The following SLC7A7 variants were observed in gnomAD, a reference collection of about 807,000 sequenced individuals.
SLC7A7 encodes the protein Y+L amino acid transporter 1.
Under a neutral mutation model 47.9 loss-of-function variants are expected in SLC7A7, and 39 were observed. The observed-to-expected ratio is 0.81, with a 90% confidence interval of 0.63 to 1.06. The LOEUF (loss-of-function observed/expected upper bound fraction) is 1.06, where lower values mean the gene tolerates loss of function less well. Among genes scored for constraint, SLC7A7 ranks in the 50% least tolerant of loss-of-function variants. SLC7A7 has a pLI of 0.00. For synonymous variants in SLC7A7, 234 were observed against 242.8 expected (o/e 0.96, Z 0.34); for missense variants, 588 against 632.0 (o/e 0.93, Z 0.75).
chr14:22,797,439 A>T (rs1039095296), intron 2 of SLC7A7, among the ~76,000 whole-genome samples: 3 of 152,178 alleles, frequency 2.0e-5, no homozygotes, highest in African/African-American at 7.2e-5. Context: ...TTAAGCTTAT[A>T]TTGAGTACCC....
At chr14:22,785,073 G>A (rs1029781601) in intron 2 of SLC7A7, among the ~76,000 whole-genome samples, 1 of 152,100 alleles carries the variant, frequency 6.6e-6, no homozygotes, top group Admixed American at 6.6e-5. Context: ...GAGGCCAGGA[G>A]TTTGAGACCA....
At position 22,813,401 on chromosome 14, in the gene SLC7A7, T is replaced by C. The variant is rs753507352; in HGVS notation, c.-3A>G. The stretch of plus-strand genomic sequence containing the variant: ...TCATACTCAGTGCTGTCAACCATGG[T>C]GGAGGAGAGGAAACCCTTCACCAGC... On this transcript the variant is annotated 5_prime_UTR_variant, in exon 2 of 10. Coordinates refer to ENST00000674313, the MANE Select transcript of SLC7A7 (RefSeq NM_003982.4). The C allele has an allele frequency of 1.2e-6, 2 of 1,610,578 alleles. No individual in the cohort carries two copies. Among genetic ancestry groups the C allele is most frequent in the East Asian group, 2.2e-5 (1 of 44,892 alleles).
intron 2 of SLC7A7, among the ~76,000 whole-genome samples, chr14:22,811,637 C>G (rs28653553): frequency 0.53 from 81,152 of 151,920 alleles, 21,934 homozygotes; most frequent in East Asian, 0.8. Flanking sequence ...ATCACTTGAG[C>G]TCAGGAGTTC....
intron 2 of SLC7A7, among the ~76,000 whole-genome samples, chr14:22,795,771 C>T (rs2065044): frequency 0.96 from 146,593 of 152,144 alleles, 70,839 homozygotes; most frequent in East Asian, 1. Context: ...CCGTGCCCGG[C>T]CTTGTTTTCT....
At chr14:22,800,676 C>G (rs941397547) in intron 2 of SLC7A7, among the ~76,000 whole-genome samples, 1 of 99,472 alleles carries the variant, frequency 1.0e-5, no homozygotes, top group African/African-American at 3.3e-5. Context: ...GGCTCACACC[C>G]GTAATCCTAA....
chr14:22,802,727 C>G (rs895707099), intron 2 of SLC7A7, among the ~76,000 whole-genome samples: 6 of 152,186 alleles, frequency 3.9e-5, no homozygotes, highest in African/African-American at 1.4e-4. Flanking sequence ...GTCTCTGCCT[C>G]CAGCCTTGTC....
upstream of SLC7A7, chr14:22,817,411 C>T (rs1206785876): frequency 1.2e-5 from 2 of 160,764 alleles, no homozygotes; most frequent in Non-Finnish European, 2.7e-5. Flanking sequence ...GCAATCTCGG[C>T]TCACTGCAAC....
At chr14:22,795,406 C>T (rs940972196) in intron 2 of SLC7A7, among the ~76,000 whole-genome samples, 1 of 98,648 alleles carries the variant, frequency 1.0e-5, no homozygotes, top group African/African-American at 5.6e-5. Context: ...TTCTTTCTTT[C>T]TTTCTTTCTT....
At position 22,780,047 on chromosome 14, in the gene SLC7A7, G is replaced by C. The variant is rs2038690904; in HGVS notation, c.504C>G (p.Leu168=). The C allele has an allele frequency of 1.2e-6, 2 of 1,613,858 alleles. No individual in the cohort carries two copies. The highest frequency in any genetic ancestry group is 1.3e-5 in the African/African-American group (1 of 74,866). The part of the protein sequence containing the change: ...SRLLAAACIC[L]LTFINCAYVK... ...CATAGGCACAGTTAATGAAGGTTAAGAGACCTGAAAGAAAAATAATACTGA... is the reference window on the plus strand; with the variant it reads ...CATAGGCACAGTTAATGAAGGTTAACAGACCTGAAAGAAAAATAATACTGA... Residue 168 remains leucine (L), a synonymous_variant, in exon 3 of 10, where the codon CTC becomes CTG. Transcript: ENST00000674313.
rs386833822 is a variant in SLC7A7, at chr14:22,779,925, C to G, written c.625+1G>C. ...TAGTTGCTACTAATATTATTTCTTA[C>G]CCTGGCCAAGTCTAACAATGCCTGC... On this transcript the variant is annotated splice_donor_variant, in intron 3 of 9. Coordinates refer to ENST00000674313, the MANE Select transcript of SLC7A7 (RefSeq NM_003982.4). LOFTEE classifies it high-confidence loss of function. 3.1e-6 allele frequency: 5 copies of G among 1,614,070 alleles called. No individual in the cohort carries two copies. The highest frequency in any genetic ancestry group is 4.2e-6 in the Non-Finnish European group (5 of 1,179,976).
rs1415495200 is a variant in SLC7A7 at position 22,775,895 on chromosome 14, A to C, written c.936T>G (p.Ile312Met). The change falls in exon 6 of 10, where the codon ATT (isoleucine) becomes ATG (methionine). Residue 312 changes from isoleucine to methionine, a missense_variant. Coordinates refer to ENST00000674313, the MANE Select transcript of SLC7A7 (RefSeq NM_003982.4). ...DQIFGIFNWI[I>M]PLSVALSCFG... ...AACAGGATAATGCAACTGACAGTGG[A>C]ATTATCCAGTTAAATATTCCAAATA... 6.2e-7 allele frequency: 1 copy of C among 1,614,150 alleles called. No homozygotes were observed. The highest frequency in any genetic ancestry group is 1.7e-5 in the Admixed American group (1 of 60,034).
At chr14:22,803,848 C>A (rs12879369) in intron 2 of SLC7A7, among the ~76,000 whole-genome samples, 57,534 of 152,092 alleles carry the variant, frequency 0.38, 12,349 homozygotes, top group Admixed American at 0.48. Flanking sequence ...GTGACTATGT[C>A]TACCTCGCTT....
chr14:22,778,253 G>T (rs2038652867), intron 4 of SLC7A7, among the ~76,000 whole-genome samples: 1 of 152,186 alleles, frequency 6.6e-6, no homozygotes, highest in Non-Finnish European at 1.5e-5. Context: ...CAACAAGTCA[G>T]TGGAAAGATC....
chr14:22,810,476 A>T (rs1206883076), intron 2 of SLC7A7, among the ~76,000 whole-genome samples: 6 of 151,546 alleles, frequency 4.0e-5, no homozygotes, highest in Admixed American at 4.0e-4. Flanking sequence ...AAAAAAAAAA[A>T]AAATAGATTT....
In SLC7A7 at chr14:22,773,712, A is replaced by G; in HGVS notation, c.1434T>C (p.Ser478=). The change falls in exon 10 of 10, where the codon TCT becomes TCC. Residue 478 remains serine (S), a synonymous_variant. Coordinates refer to ENST00000674313, the MANE Select transcript of SLC7A7 (RefSeq NM_003982.4). The stretch of plus-strand genomic sequence containing the variant: ...ACAGGACCTGGAGGTACCTTGTGGC[A>G]GACCCTACAAAGAGAACTTTGAGTT... ...RPLYLRRIVG[S]ATRYLQVLCM... is the part of the protein sequence containing the mutation. 6.2e-7 allele frequency: 1 copy of G among 1,614,152 alleles called. No individual in the cohort carries two copies. The highest frequency in any genetic ancestry group is 1.1e-5 in the South Asian group (1 of 91,086).
intron 3 of SLC7A7, 35 bp downstream of exon 3, chr14:22,779,891 A>G: frequency 6.2e-7 from 1 of 1,607,634 alleles, no homozygotes; most frequent in Non-Finnish European, 8.5e-7. Flanking sequence ...GAAAATGCTT[A>G]AAAAAGATTA....
chr14:22,789,627 CAAAAAAAAAA>C (rs71115580), intron 2 of SLC7A7, among the ~76,000 whole-genome samples: 4 of 112,578 alleles, frequency 3.6e-5, no homozygotes, highest in Non-Finnish European at 3.7e-5. Flanking sequence ...GACTCTGGCT[CAAAAAAAAAA>C]AAAAAAAAGA....
At chr14:22,810,567 CA>C (rs1462668893) in intron 2 of SLC7A7, among the ~76,000 whole-genome samples, 1 of 151,876 alleles carries the variant, frequency 6.6e-6, no homozygotes, top group African/African-American at 2.4e-5. Context: ...TATAATTAAC[CA>C]TATGCCCACA....
In SLC7A7 at chr14:22,799,442, TTC is replaced by T. The variant is rs145979365; in HGVS notation, c.499+13456_499+13457del. ...GTGGTTTCTTTTTCTTTTTATTTTTTTCTTTCTTTTTTTTTTTTTTTTTTTTT... is the reference window on the plus strand; with the variant it reads ...GTGGTTTCTTTTTCTTTTTATTTTTTTTTCTTTTTTTTTTTTTTTTTTTTT... On this transcript the variant is annotated intron_variant, in intron 2 of 9. Transcript: ENST00000674313. Among the ~76,000 whole-genome samples, 612 of 135,740 alleles carry T rather than the reference TTC, an allele frequency of 4.5e-3. 5 individuals are homozygous for T. The highest frequency in any genetic ancestry group is 0.015 in the African/African-American group (586 of 38,646). 89.1% of individuals were successfully genotyped at this position (135,740 alleles called of 152,430 possible). A position where few individuals can be genotyped will look rare whatever the true frequency, so the allele number is the denominator to read the frequency against.
Sources: gnomAD v4.1 joint callset for allele counts (sites outside exome capture counted in the v4.1 genomes callset) on GRCh38, gnomAD v4.1.1 for gene constraint, MANE v1.5 for transcripts, NCBI Gene and HGNC (gene_info 2026-07-23, HGNC 2026-07-21) for gene names.